The following GOLPH3 variants were observed in gnomAD, a reference collection of about 807,000 sequenced individuals.
The protein encoded by GOLPH3 is coat protein GPP34.
A neutral mutation model predicts 28.5 loss-of-function variants in GOLPH3; 14 were observed. That is an observed-to-expected ratio of 0.49 (90% CI 0.32 to 0.77). The LOEUF (loss-of-function observed/expected upper bound fraction) is 0.77, where lower values mean the gene tolerates loss of function less well. Ranked by LOEUF, GOLPH3 falls within the 30% of genes least tolerant of loss-of-function variation. The probability of loss-of-function intolerance (pLI) is 0.03; values close to 1 mark genes in which losing one functional copy is unlikely to be tolerated. For missense variants in GOLPH3, 350 were observed against 393.7 expected, an observed-to-expected ratio of 0.89 and a Z score of 0.94; for synonymous variants, 158 against 159.2, an observed-to-expected ratio of 0.99 and a Z score of 0.06.
chr5:32,146,932 T>A lies in GOLPH3; in HGVS notation c.226-3052A>T, dbSNP rs116567040. ...AAAGAAAACAAAAAAAAAAACCTCA[T>A]GTTTTAACAAAGTTTACAAATTTGT... On this transcript the variant is annotated intron_variant, in intron 1 of 3. Coordinates refer to ENST00000265070, the MANE Select transcript of GOLPH3 (RefSeq NM_022130.4). 1.0e-2 allele frequency among the ~76,000 whole-genome samples: 1,519 copies of A among 151,988 alleles called. 25 individuals carry two copies. Among genetic ancestry groups the A allele is most frequent in the African/African-American group, 0.034 (1,399 of 41,498 alleles).
In GOLPH3 at chr5:32,158,111, TAAATAAATAAATAAATAAAATACAC is replaced by T. The variant is rs1561678981; in HGVS notation, c.226-14256_226-14232del. On this transcript the variant is annotated intron_variant, in intron 1 of 3. Coordinates refer to ENST00000265070, the MANE Select transcript of GOLPH3 (RefSeq NM_022130.4). ...GTCTCAAAATAAATAAATAAATAAA[TAAATAAATAAATAAATAAAATACAC>T]ACACACACACACACACACACACACA... 8.3e-3 allele frequency among the ~76,000 whole-genome samples: 863 copies of T among 104,136 alleles called. 82 individuals are homozygous for T. Among genetic ancestry groups the T allele is most frequent in the African/African-American group, 0.033 (799 of 23,880 alleles). 68.3% of individuals were successfully genotyped at this position (104,136 alleles called of 152,430 possible). A position where few individuals can be genotyped will look rare whatever the true frequency, so the allele number is the denominator to read the frequency against.
chr5:32,166,996 A>G (rs2111896699), intron 1 of GOLPH3, among the ~76,000 whole-genome samples: 1 of 152,292 alleles, frequency 6.6e-6, no homozygotes, highest in Non-Finnish European at 1.5e-5. Context: ...GACATAAAAA[A>G]GTGTACAGCC....
intron 2 of GOLPH3, among the ~76,000 whole-genome samples, chr5:32,143,360 C>T (rs1039607797): frequency 3.3e-5 from 5 of 151,858 alleles, no homozygotes; most frequent in African/African-American, 1.2e-4. Context: ...GACCTTTGTT[C>T]ACTTGTTTAT....
At chr5:32,150,665 T>C (rs1746284489) in intron 1 of GOLPH3, among the ~76,000 whole-genome samples, 1 of 152,146 alleles carries the variant, frequency 6.6e-6, no homozygotes, top group East Asian at 1.9e-4. Flanking sequence ...GGAAATGTTA[T>C]GGAGTTAAGA....
At chr5:32,137,071 T>C (rs1745949641) in intron 2 of GOLPH3, among the ~76,000 whole-genome samples, 1 of 152,030 alleles carries the variant, frequency 6.6e-6, no homozygotes. Flanking sequence ...GCAATTCTCC[T>C]GCCTCAGCCT....
intron 1 of GOLPH3, among the ~76,000 whole-genome samples, chr5:32,156,149 C>G (rs1255268005): frequency 6.6e-6 from 1 of 151,856 alleles, no homozygotes; most frequent in African/African-American, 2.4e-5. Flanking sequence ...AGGAAGCAGG[C>G]CCTCACCAAT....
intron 2 of GOLPH3, among the ~76,000 whole-genome samples, chr5:32,141,597 C>A (rs1260516438): frequency 7.2e-6 from 1 of 138,006 alleles, no homozygotes; most frequent in African/African-American, 2.6e-5. Flanking sequence ...CCCTCTCCCT[C>A]TCCCCACGGT....
At chr5:32,165,164 T>C (rs1746683338) in intron 1 of GOLPH3, among the ~76,000 whole-genome samples, 1 of 152,046 alleles carries the variant, frequency 6.6e-6, no homozygotes, top group South Asian at 2.1e-4. Context: ...CCTCCCAAAG[T>C]GCTGGGATTA....
chr5:32,168,110 C>T (rs1025540772), intron 1 of GOLPH3, among the ~76,000 whole-genome samples: 5 of 152,006 alleles, frequency 3.3e-5, no homozygotes, highest in Non-Finnish European at 5.9e-5. Context: ...TTAGAAACAA[C>T]GAAAATTCAT....
intron 2 of GOLPH3, among the ~76,000 whole-genome samples, chr5:32,137,398 C>T (rs1305963765): frequency 1.3e-5 from 2 of 152,014 alleles, no homozygotes; most frequent in Non-Finnish European, 2.9e-5. Flanking sequence ...GTGGCTCACT[C>T]CTATAATCCC....
intron 2 of GOLPH3, among the ~76,000 whole-genome samples, chr5:32,137,550 T>C (rs1459708041): frequency 6.6e-6 from 1 of 151,912 alleles, no homozygotes; most frequent in Non-Finnish European, 1.5e-5. Flanking sequence ...ACCCAGCTAC[T>C]TGGGAGGCTG....
At chr5:32,163,094 A>G (rs1490705190) in intron 1 of GOLPH3, among the ~76,000 whole-genome samples, 1 of 152,184 alleles carries the variant, frequency 6.6e-6, no homozygotes, top group Non-Finnish European at 1.5e-5. Flanking sequence ...AAAAAATAAA[A>G]AAGTAGGCCC....
At chr5:32,140,916 C>T (rs1397575618) in intron 2 of GOLPH3, among the ~76,000 whole-genome samples, 1 of 151,944 alleles carries the variant, frequency 6.6e-6, no homozygotes, top group Non-Finnish European at 1.5e-5. Context: ...AATCCTTGCA[C>T]TTTGGGAGGC....
At chr5:32,143,695 C>G in intron 2 of GOLPH3, 54 bp downstream of exon 2, 1 of 1,464,486 alleles carries the variant, frequency 6.8e-7, no homozygotes, top group Non-Finnish European at 9.2e-7. Flanking sequence ...TAAAAACATA[C>G]ATTTTAAGCA....
intron 1 of GOLPH3, among the ~76,000 whole-genome samples, chr5:32,155,693 C>A (rs951550021): frequency 2.0e-5 from 3 of 152,086 alleles, no homozygotes; most frequent in Non-Finnish European, 2.9e-5. Context: ...AGCGGTGGCT[C>A]ATGCCTATAA....
At position 32,142,658 on chromosome 5, in the gene GOLPH3, A is replaced by G. The variant is rs868309407; in HGVS notation, c.357+1091T>C. Among the ~76,000 whole-genome samples the G allele has an allele frequency of 1.9e-4, 25 of 132,164 alleles. 1 individual carries two copies. Among genetic ancestry groups the G allele is most frequent in the African/African-American group, 6.2e-4 (21 of 33,918 alleles). The allele number at this position is 132,164 out of a possible 152,430, so 86.7% of individuals were successfully genotyped here. On this transcript the variant is annotated intron_variant, in intron 2 of 3. Transcript: ENST00000265070. ...CGTCCGGGAGGGAGGTGGGGGGGTC[A>G]GCCCCCAAGCCCGGCCAGCCGCCCC...
chr5:32,134,047 T>TG (rs1184482423), intron 3 of GOLPH3, among the ~76,000 whole-genome samples: 1 of 152,166 alleles, frequency 6.6e-6, no homozygotes, highest in Non-Finnish European at 1.5e-5. Flanking sequence ...TAGCTAAAAA[T>TG]GGAGTGTATG....
chr5:32,141,267 T>C (rs188574957), intron 2 of GOLPH3, among the ~76,000 whole-genome samples: 1 of 152,298 alleles, frequency 6.6e-6, no homozygotes. Context: ...CTAAAACTTT[T>C]AGATTCATTA....
At chr5:32,137,894 A>G in intron 2 of GOLPH3, among the ~76,000 whole-genome samples, 1 of 131,182 alleles carries the variant, frequency 7.6e-6, no homozygotes, top group East Asian at 2.3e-4. Flanking sequence ...AAAATTTAAC[A>G]TTACGGTTTT....
Sources: gnomAD v4.1 joint callset for allele counts (sites outside exome capture counted in the v4.1 genomes callset) on GRCh38, gnomAD v4.1.1 for gene constraint, MANE v1.5 for transcripts, NCBI Gene and HGNC (gene_info 2026-07-23, HGNC 2026-07-21) for gene names.